EDARADD: variants seen among roughly 807,000 people sequenced by gnomAD.
EDARADD encodes the protein ectodysplasin-A receptor-associated adapter protein.
In EDARADD, 20 loss-of-function variants were observed where a neutral mutation model predicts 25.6. The ratio of observed to expected loss-of-function variants is 0.78; its 90% confidence interval spans 0.55 to 1.14. The LOEUF (loss-of-function observed/expected upper bound fraction) is 1.14. EDARADD is among the 50% of genes most tolerant of loss of function. The pLI is 0.00. For synonymous variants in EDARADD, 86 were observed against 94.4 expected (o/e 0.91, Z 0.52); for missense variants, 225 against 270.1 (o/e 0.83, Z 1.17).
intron 3 of EDARADD, 129 bp from the exon 4 acceptor site, chr1:236,427,263 C>G: frequency 1.2e-6 from 1 of 835,062 alleles, no homozygotes; most frequent in Non-Finnish European, 1.9e-6. Flanking sequence ...GTAGTCCAGC[C>G]CTTCTGATTT....
chr1:236,419,219 C>T (rs1406050314), intron 3 of EDARADD, among the ~76,000 whole-genome samples: 7 of 151,674 alleles, frequency 4.6e-5, no homozygotes, highest in African/African-American at 7.3e-5. Context: ...AGACTCCTAT[C>T]GCTCCAAAAA....
Position 236,395,303 on chromosome 1 carries a change from C to T in EDARADD, c.61+798C>T, listed in dbSNP as rs561425271. On this transcript the variant is annotated intron_variant, in intron 1 of 5. Transcript: ENST00000334232. The surrounding 1 kb of genome is among the most constrained non-coding windows in gnomAD (Gnocchi z 6.9). ...CGCGCGCTCTGGGCGCTGGGGACGC[C>T]CGGGACACTCGGGGCCCCGCCTTGC... is the stretch of plus-strand genomic sequence containing the variant. 601 of 1,214,810 alleles carry T rather than the reference C, an allele frequency of 4.9e-4. 5 individuals are homozygous for T. In the South Asian group the frequency reaches 9.9e-3, roughly 20 times the overall value. The allele number at this position is 1,214,810 out of a possible 1,614,324, so 75.3% of individuals were successfully genotyped here.
intron 3 of EDARADD, among the ~76,000 whole-genome samples, chr1:236,351,163 A>G (rs904032332): frequency 6.6e-6 from 1 of 151,982 alleles, no homozygotes; most frequent in African/African-American, 2.4e-5. Flanking sequence ...TTAAAACCCT[A>G]CTTGTAATTG....
At chr1:236,437,290 C>T (rs1658281368) in intron 4 of EDARADD, among the ~76,000 whole-genome samples, 1 of 152,172 alleles carries the variant, frequency 6.6e-6, no homozygotes, top group South Asian at 2.1e-4. Flanking sequence ...TGTTAAATGT[C>T]CCCTGCATCT....
chr1:236,432,222 T>G (rs540405194), intron 4 of EDARADD, among the ~76,000 whole-genome samples: 4 of 150,956 alleles, frequency 2.6e-5, no homozygotes, highest in African/African-American at 9.7e-5. Context: ...CAGCAAAACC[T>G]GAACTCTACA....
intron 3 of EDARADD, among the ~76,000 whole-genome samples, chr1:236,361,306 C>CTTATT (rs71176497): frequency 0.33 from 50,285 of 150,646 alleles, 8,591 homozygotes; most frequent in East Asian, 0.4. Context: ...TATATTTTAT[C>CTTATT]TTATTTTATT....
At chr1:236,362,036 A>G (rs1667057579) in intron 3 of EDARADD, among the ~76,000 whole-genome samples, 1 of 152,008 alleles carries the variant, frequency 6.6e-6, no homozygotes, top group African/African-American at 2.4e-5. Context: ...GCAGAATAGG[A>G]GAGTCCCAGT....
At chr1:236,389,678 C>A (rs1667397477), upstream of EDARADD, among the ~76,000 whole-genome samples, 1 of 152,052 alleles carries the variant, frequency 6.6e-6, no homozygotes. Context: ...ATCTACAAGG[C>A]AATTGACTCC....
chr1:236,396,729 T>C (rs568729588), intron 1 of EDARADD, among the ~76,000 whole-genome samples: 1 of 152,010 alleles, frequency 6.6e-6, no homozygotes, highest in South Asian at 2.1e-4. Flanking sequence ...TGTTAAACAT[T>C]TTATCAATTG....
chr1:236,472,706 G>A (rs1160804265), intron 5 of EDARADD, among the ~76,000 whole-genome samples: 1 of 152,060 alleles, frequency 6.6e-6, no homozygotes, highest in Non-Finnish European at 1.5e-5. Context: ...TGCTTCTTAC[G>A]TGTGCTAGGA....
intron 4 of EDARADD, among the ~76,000 whole-genome samples, chr1:236,464,292 C>T (rs1023484422): frequency 7.9e-5 from 12 of 151,316 alleles, no homozygotes; most frequent in Admixed American, 3.3e-4. Context: ...CTCTGTCACC[C>T]GGGCTGGAGT....
intron 5 of EDARADD, among the ~76,000 whole-genome samples, chr1:236,471,253 T>G (rs181588446): frequency 3.3e-5 from 5 of 152,302 alleles, no homozygotes; most frequent in African/African-American, 9.6e-5. Flanking sequence ...TTTTCCCCTT[T>G]GGTTAAGAGA....
chr1:236,456,150 C>G (rs1025545985), intron 4 of EDARADD, among the ~76,000 whole-genome samples: 5 of 152,192 alleles, frequency 3.3e-5, no homozygotes, highest in African/African-American at 1.2e-4. Flanking sequence ...GGCGCGATCT[C>G]TGCTTACTGC....
chr1:236,366,651 C>T (rs2812463), intron 3 of EDARADD, among the ~76,000 whole-genome samples: 52,208 of 151,890 alleles, frequency 0.34, 9,228 homozygotes, highest in African/African-American at 0.42. Flanking sequence ...TGCAGGAAGT[C>T]GGCCAGATTT....
At chr1:236,401,177 CTG>C (rs2103003363) in intron 1 of EDARADD, among the ~76,000 whole-genome samples, 1 of 151,310 alleles carries the variant, frequency 6.6e-6, no homozygotes, top group South Asian at 2.1e-4. Flanking sequence ...CAGAACAAGA[CTG>C]TCTCAAATAA....
intron 3 of EDARADD, among the ~76,000 whole-genome samples, chr1:236,362,988 A>G (rs201352181): frequency 0.049 from 1,294 of 26,598 alleles, 27 homozygotes; most frequent in East Asian, 0.072. Context: ...TTTTTTTAAG[A>G]AAAAAAAAAA....
intron 4 of EDARADD, among the ~76,000 whole-genome samples, chr1:236,463,930 G>A (rs953877314): frequency 2.6e-5 from 4 of 152,190 alleles, no homozygotes; most frequent in African/African-American, 9.7e-5. Context: ...ATCCTGTGGG[G>A]TGCACGGACA....
Position 236,395,609 on chromosome 1 carries a change from G to C in EDARADD, c.61+1104G>C. 6.4e-7 allele frequency: 1 copy of C among 1,560,902 alleles called. No individual in the cohort carries two copies. Among genetic ancestry groups the C allele is most frequent in the South Asian group, 1.2e-5 (1 of 85,044 alleles). The stretch of plus-strand genomic sequence containing the variant: ...GCCTGCCAGCCCCGCTCGGACGCTC[G>C]TTTGCCCCTAACCCGCCGCCATGGC... On this transcript the variant is annotated intron_variant, in intron 1 of 5. Coordinates refer to ENST00000334232, the MANE Select transcript of EDARADD (RefSeq NM_145861.4). The surrounding 1 kb of genome is among the most constrained non-coding windows in gnomAD (Gnocchi z 6.9).
chr1:236,397,957 T>C (rs1667548487), intron 1 of EDARADD, among the ~76,000 whole-genome samples: 1 of 152,160 alleles, frequency 6.6e-6, no homozygotes, highest in South Asian at 2.1e-4. Context: ...GCCCATATCT[T>C]GAGCTCGCTT....
Sources: allele counts gnomAD v4.1 joint callset (sites outside exome capture counted in the v4.1 genomes callset), GRCh38; gene constraint gnomAD v4.1.1; non-coding constraint Gnocchi (gnomAD v3.1); transcripts MANE v1.5; gene names NCBI Gene and HGNC (gene_info 2026-07-23, HGNC 2026-07-21).